The following PHAX variants were observed in gnomAD, a reference collection of about 807,000 sequenced individuals.
PHAX encodes phosphorylated adapter RNA export protein.
Under a neutral mutation model 41.6 loss-of-function variants are expected in PHAX, and 31 were observed. The ratio of observed to expected loss-of-function variants is 0.75; its 90% CI spans 0.56 to 1.01. The LOEUF is 1.01. PHAX is among the 50% of genes least tolerant of loss of function. PHAX has a pLI of 0.00. For missense variants in PHAX, 453 were observed against 472.9 expected, an observed-to-expected ratio of 0.96 and a Z score of 0.39; for synonymous variants, 175 against 164.9, an observed-to-expected ratio of 1.06 and a Z score of -0.47.
chr5:126,614,594 C>A (rs57329515), intron 3 of PHAX, among the ~76,000 whole-genome samples: 41,215 of 151,800 alleles, frequency 0.27, 7,148 homozygotes, highest in African/African-American at 0.48. Context: ...GTTTTATAAC[C>A]GTGTAAATAT....
chr5:126,601,577 T>A (rs1751904049), intron 1 of PHAX, among the ~76,000 whole-genome samples: 1 of 152,218 alleles, frequency 6.6e-6, no homozygotes, highest in Non-Finnish European at 1.5e-5. Context: ...ATGAAGTTTA[T>A]CGCTCACTCA....
intron 4 of PHAX, among the ~76,000 whole-genome samples, chr5:126,618,548 C>T (rs967962598): frequency 2.0e-5 from 3 of 152,036 alleles, no homozygotes; most frequent in African/African-American, 7.2e-5. Context: ...TATATACTTT[C>T]CCCCTAAGCA....
At chr5:126,601,802 G>T (rs1751908523) in intron 1 of PHAX, among the ~76,000 whole-genome samples, 1 of 152,174 alleles carries the variant, frequency 6.6e-6, no homozygotes, top group East Asian at 1.9e-4. Context: ...GAGTAGCTGG[G>T]ATTACATGCG....
chr5:126,601,137 G>A, intron 1 of PHAX, 79 bp downstream of exon 1: 1 of 1,026,634 alleles, frequency 9.7e-7, no homozygotes, highest in Non-Finnish European at 1.5e-6. Context: ...GCAGCGGTGA[G>A]GGTGAGGGGT....
intron 3 of PHAX, among the ~76,000 whole-genome samples, chr5:126,610,732 A>C (rs917029049): frequency 4.6e-5 from 7 of 152,236 alleles, no homozygotes; most frequent in African/African-American, 1.7e-4. Flanking sequence ...TTTGAGACAC[A>C]GTCTGGCTCT....
At position 126,625,227 on chromosome 5, in the gene PHAX, T is replaced by C. The variant is rs1338739680; in HGVS notation, c.*383T>C. The C allele has an allele frequency of 2.4e-5, 4 of 164,412 alleles. No homozygotes were observed. Among genetic ancestry groups the C allele is most frequent in the African/African-American group, 7.2e-5 (3 of 41,776 alleles). The allele number at this position is 164,412 out of a possible 1,614,324, so 10.2% of individuals were successfully genotyped here. A position where few individuals can be genotyped will look rare whatever the true frequency, so the allele number is the denominator to read the frequency against. On this transcript the variant is annotated 3_prime_UTR_variant, in exon 5 of 5. Coordinates refer to ENST00000297540, the MANE Select transcript of PHAX (RefSeq NM_032177.4). ...TCCGCTAAAATCATAATGGGACATA[T>C]AAATTATTAAGCTGTTAGAAATGCA...
intron 1 of PHAX, among the ~76,000 whole-genome samples, chr5:126,601,610 C>T (rs575309207): frequency 6.6e-6 from 1 of 152,288 alleles, no homozygotes; most frequent in Admixed American, 6.5e-5. Context: ...TCCATGTTTC[C>T]ACCGAACCTA....
At chr5:126,618,815 C>T (rs1276498800) in intron 4 of PHAX, among the ~76,000 whole-genome samples, 2 of 152,028 alleles carry the variant, frequency 1.3e-5, no homozygotes, top group African/African-American at 2.4e-5. Flanking sequence ...TGCGCCACCA[C>T]GCCCAGCTAA....
In PHAX at chr5:126,604,014, G is replaced by A. The variant is rs777280170; in HGVS notation, c.541G>A (p.Gly181Ser). Residue 181 changes from glycine to serine, a missense_variant, in exon 2 of 5, where the codon GGT becomes AGT. Transcript: ENST00000297540. ...LDKELDEYMHGGKKMGSKEEE... is the reference protein window; with the variant it reads ...LDKELDEYMHSGKKMGSKEEE... ...CAAGGAACTAGATGAATATATGCAT[G>A]GTGGCAAAAAAATGGGATCAAAGGA... is the stretch of plus-strand genomic sequence containing the variant. 1.2e-6 allele frequency: 2 copies of A among 1,613,726 alleles called. No homozygotes were observed. The highest frequency in any genetic ancestry group is 2.2e-5 in the South Asian group (2 of 91,050).
rs1367953362 is a variant in PHAX at position 126,600,950 on chromosome 5, G to T, written c.-13G>T. On this transcript the variant is annotated 5_prime_UTR_variant, in exon 1 of 5. Coordinates refer to ENST00000297540, the MANE Select transcript of PHAX (RefSeq NM_032177.4). ...CTGACCCGCCGCTGTGCAGCGCAGC[G>T]CACCGCGGGAAGATGGCGTTGGAGG... The T allele has an allele frequency of 1.3e-6, 2 of 1,597,234 alleles. No individual in the cohort carries two copies. Among genetic ancestry groups the T allele is most frequent in the East Asian group, 4.6e-5 (2 of 43,278 alleles).
chr5:126,612,686 AG>A (rs1441996554), intron 3 of PHAX, among the ~76,000 whole-genome samples: 2 of 152,100 alleles, frequency 1.3e-5, no homozygotes, highest in Admixed American at 6.6e-5. Context: ...GGGCAACAAG[AG>A]CGAAACTCGG....
At position 126,609,095 on chromosome 5, in the gene PHAX, A is replaced by ATTTTTTTTTTTTTT. The variant is rs761125079; in HGVS notation, c.831+621_831+634dup. Among the ~76,000 whole-genome samples the ATTTTTTTTTTTTTT allele has an allele frequency of 1.9e-3, 195 of 101,212 alleles. 27 individuals carry two copies. The highest frequency in any genetic ancestry group is 6.5e-3 in the African/African-American group (136 of 20,984). 66.4% of individuals were successfully genotyped at this position (101,212 alleles called of 152,430 possible). A position where few individuals can be genotyped will look rare whatever the true frequency, so the allele number is the denominator to read the frequency against. ...ATGATTTGTTAAAGGTAGGGGTTGA[A>ATTTTTTTTTTTTTT]TTTTTTTTTTTTTTTTTTTTTTTGA... On this transcript the variant is annotated intron_variant, in intron 3 of 4. Transcript: ENST00000297540.
In PHAX at chr5:126,624,616, A is replaced by G. The variant is rs1212212488; in HGVS notation, c.957A>G (p.Lys319=). 6.2e-7 allele frequency: 1 copy of G among 1,603,328 alleles called. No homozygotes were observed. ...YIENQKEYEN[K]KAARKRRTQV... ...AAAACCAAAAGGAATATGAAAATAAAAAAGCTGCTAGGAAGAGGAGAACAC... is the reference window on the plus strand; with the variant it reads ...AAAACCAAAAGGAATATGAAAATAAGAAAGCTGCTAGGAAGAGGAGAACAC... Residue 319 remains lysine (K), a synonymous_variant, in exon 5 of 5, where the codon AAA becomes AAG. Coordinates refer to ENST00000297540, the MANE Select transcript of PHAX (RefSeq NM_032177.4).
At chr5:126,608,234 G>T in intron 2 of PHAX, 130 bp from the exon 3 acceptor site, 1 of 1,023,948 alleles carries the variant, frequency 9.8e-7, no homozygotes, top group Non-Finnish European at 1.4e-6. Flanking sequence ...GTGATTCCAA[G>T]ATTAAATATT....
At chr5:126,601,958 C>T (rs2112827373) in intron 1 of PHAX, among the ~76,000 whole-genome samples, 1 of 152,294 alleles carries the variant, frequency 6.6e-6, no homozygotes, top group East Asian at 1.9e-4. Context: ...TGAACCACGG[C>T]GCCCGGCCAC....
intron 3 of PHAX, among the ~76,000 whole-genome samples, chr5:126,610,572 C>T (rs1349346047): frequency 6.6e-6 from 1 of 152,202 alleles, no homozygotes; most frequent in Non-Finnish European, 1.5e-5. Flanking sequence ...TAAAGTACTT[C>T]AATTTTCATT....
intron 4 of PHAX, among the ~76,000 whole-genome samples, chr5:126,622,955 A>G (rs1035846035): frequency 1.3e-5 from 2 of 151,902 alleles, no homozygotes; most frequent in South Asian, 4.2e-4. Context: ...GAGAAACCCC[A>G]TCTCCACTAA....
At chr5:126,610,818 A>G (rs2112832650) in intron 3 of PHAX, among the ~76,000 whole-genome samples, 1 of 151,290 alleles carries the variant, frequency 6.6e-6, no homozygotes, top group East Asian at 2.0e-4. Context: ...GCCATCCCCC[A>G]CCTCAGCCTT....
chr5:126,621,326 C>T (rs757383269), intron 4 of PHAX, among the ~76,000 whole-genome samples: 1 of 152,082 alleles, frequency 6.6e-6, no homozygotes, highest in Non-Finnish European at 1.5e-5. Flanking sequence ...GTAGCTGGGA[C>T]TGTAGGGCAC....
Sources: gnomAD v4.1 joint callset for allele counts (sites outside exome capture counted in the v4.1 genomes callset) on GRCh38, gnomAD v4.1.1 for gene constraint, MANE v1.5 for transcripts, NCBI Gene and HGNC (gene_info 2026-07-23, HGNC 2026-07-21) for gene names.